The following DNAH17 variants were observed in gnomAD, a reference collection of about 807,000 sequenced individuals.
DNAH17 encodes the protein axonemal beta dynein heavy chain 17.
In DNAH17, 376 loss-of-function variants were observed where a neutral mutation model predicts 485.6. That is an observed-to-expected ratio of 0.77 (90% CI 0.71 to 0.84). The LOEUF (loss-of-function observed/expected upper bound fraction) is 0.84, where lower values mean the gene tolerates loss of function less well. Among genes scored for constraint, DNAH17 ranks in the 40% least tolerant of loss-of-function variants. The pLI is 0.00. For missense variants in DNAH17, 6,370 were observed against 5,839.3 expected (o/e 1.09, Z -2.96); for synonymous variants, 3,031 against 2,405.9 (o/e 1.26, Z -7.60).
chr17:78,575,120 C>G (rs545727322), intron 1 of DNAH17, 38 bp from the exon 2 acceptor site: 2 of 1,370,330 alleles, frequency 1.5e-6, no homozygotes, highest in African/African-American at 1.5e-5. Flanking sequence ...AACTGTCTCC[C>G]GGGCTCCCCA....
chr17:78,491,503 A>C lies in DNAH17; in HGVS notation c.6609T>G (p.Leu2203=), dbSNP rs374156232. The change falls in exon 43 of 81, where the codon CTT becomes CTG. Residue 2203 remains leucine (L), a synonymous_variant. Transcript: ENST00000389840. Reference sequence around the variant, plus strand: ...TCCACATGGGGTCTATGTCTCCGTCAAGGATGATCCACTTGGGGCCGTCAT... The same window carrying C: ...TCCACATGGGGTCTATGTCTCCGTCCAGGATGATCCACTTGGGGCCGTCAT... ...ITHDGPKWII[L]DGDIDPMWIE... is the part of the protein sequence containing the mutation. The C allele has an allele frequency of 8.0e-5, 129 of 1,613,828 alleles. No homozygotes were observed. Among genetic ancestry groups the C allele is most frequent in the South Asian group, 2.6e-4 (24 of 90,924 alleles).
rs1356755354 is a variant in DNAH17, at chr17:78,570,330, T to G, written c.961A>C (p.Ile321Leu). Reference sequence around the variant, plus strand: ...TTATAGTACTCAGAGGTGGCCCAGATGAAGCAGATGGTGTCCAGCACCTTG... The same window carrying G: ...TTATAGTACTCAGAGGTGGCCCAGAGGAAGCAGATGGTGTCCAGCACCTTG... ...IAKVLDTICF[I>L]WATSEYYNTP... Residue 321 changes from isoleucine to leucine, a missense_variant, in exon 7 of 81, where the codon ATC becomes CTC. By Grantham distance (5) the Ile-to-Leu change is conservative. Transcript: ENST00000389840. 1 of 1,609,276 alleles carries G rather than the reference T, an allele frequency of 6.2e-7. No individual in the cohort carries two copies.
intron 62 of DNAH17, among the ~76,000 whole-genome samples, chr17:78,456,157 G>A (rs899729286): frequency 1.2e-4 from 19 of 152,130 alleles, no homozygotes; most frequent in African/African-American, 4.1e-4. Context: ...AAATTAGCCA[G>A]GCGTGGTGGC....
chr17:78,514,281 C>T (rs564096144), intron 26 of DNAH17, among the ~76,000 whole-genome samples: 8 of 151,980 alleles, frequency 5.3e-5, no homozygotes, highest in South Asian at 2.1e-4. Flanking sequence ...CTGAGGCAGG[C>T]GGATCATGAG....
chr17:78,551,303 G>T (rs1430090246), intron 16 of DNAH17, among the ~76,000 whole-genome samples: 1 of 152,208 alleles, frequency 6.6e-6, no homozygotes, highest in Non-Finnish European at 1.5e-5. Context: ...GCACAGAGGG[G>T]GCCTTGTGGA....
At chr17:78,546,255 A>G (rs1464371811) in intron 16 of DNAH17, among the ~76,000 whole-genome samples, 1 of 152,220 alleles carries the variant, frequency 6.6e-6, no homozygotes, top group Non-Finnish European at 1.5e-5. Flanking sequence ...AAAGGTCAAA[A>G]ATGGTCAATT....
In DNAH17 at chr17:78,574,776, G is replaced by C; in HGVS notation, c.282C>G (p.Ala94=). 6.2e-7 allele frequency: 1 copy of C among 1,613,924 alleles called. No individual in the cohort carries two copies. Among genetic ancestry groups the C allele is most frequent in the South Asian group, 1.1e-5 (1 of 91,060 alleles). Residue 94 remains alanine, a synonymous_variant, in exon 2 of 81, where the codon GCC becomes GCG. Coordinates refer to ENST00000389840, the MANE Select transcript of DNAH17 (RefSeq NM_173628.4). Reference sequence around the variant, plus strand: ...GGCTGATGTCGCCGTAAAGGAGCCGGGCCCTGTAGTTGTCCTTGTTGATGT... The same window carrying C: ...GGCTGATGTCGCCGTAAAGGAGCCGCGCCCTGTAGTTGTCCTTGTTGATGT... ...SENINKDNYR[A]RLLYGDISPT...
intron 26 of DNAH17, among the ~76,000 whole-genome samples, chr17:78,512,233 A>G (rs2090654341): frequency 6.6e-6 from 1 of 152,220 alleles, no homozygotes; most frequent in South Asian, 2.1e-4. Context: ...GCTTTGGGCC[A>G]TGCTGCCCTT....
Position 78,533,813 on chromosome 17 carries a change from T to G in DNAH17, c.2860-1077A>C, listed in dbSNP as rs144892385. On this transcript the variant is annotated intron_variant, in intron 19 of 80. Coordinates refer to ENST00000389840, the MANE Select transcript of DNAH17 (RefSeq NM_173628.4). ...GATTCTCCTGCCTCAGCCTCCCAAA[T>G]AGCTGGGATTACAGGCTCCCACCAC... is the stretch of plus-strand genomic sequence containing the variant. Among the ~76,000 whole-genome samples the G allele has an allele frequency of 7.2e-5, 11 of 152,002 alleles. No individual in the cohort carries two copies. In the East Asian group the frequency reaches 2.1e-3, roughly 29 times the overall value.
At chr17:78,464,106 A>T (rs1032566471) in intron 56 of DNAH17, among the ~76,000 whole-genome samples, 6 of 152,336 alleles carry the variant, frequency 3.9e-5, no homozygotes, top group Middle Eastern at 3.4e-3. Flanking sequence ...ATAACTGGAT[A>T]TGTGTTCAAA....
In DNAH17 at chr17:78,519,107, A is replaced by G. The variant is rs1014921068; in HGVS notation, c.3865-4085T>C. On this transcript the variant is annotated intron_variant, in intron 25 of 80. Transcript: ENST00000389840. Reference sequence around the variant, plus strand: ...GGCGTGAACCCAGGAGGTGGAGCTTACAGTGAGCCAAGATAGCGCCACTGC... The same window carrying G: ...GGCGTGAACCCAGGAGGTGGAGCTTGCAGTGAGCCAAGATAGCGCCACTGC... Among the ~76,000 whole-genome samples, 13 of 143,998 alleles carry G rather than the reference A, an allele frequency of 9.0e-5. No homozygotes were observed. The East Asian group carries it at 1.3e-3, about 14-fold the overall frequency. 94.5% of individuals were successfully genotyped at this position (143,998 alleles called of 152,430 possible).
chr17:78,562,086 G>T, intron 11 of DNAH17, 106 bp from the exon 12 acceptor site: 1 of 1,344,392 alleles, frequency 7.4e-7, no homozygotes, highest in Non-Finnish European at 9.9e-7. Flanking sequence ...GTGAGAGAAT[G>T]TGTACCTTGC....
At chr17:78,513,424 T>A (rs2090689784) in intron 26 of DNAH17, among the ~76,000 whole-genome samples, 1 of 152,240 alleles carries the variant, frequency 6.6e-6, no homozygotes, top group Non-Finnish European at 1.5e-5. Flanking sequence ...AGAATCCCCT[T>A]CTCTTTCCTG....
At chr17:78,478,381 CACT>C (rs202242001) in intron 51 of DNAH17, among the ~76,000 whole-genome samples, 5,640 of 151,110 alleles carry the variant, frequency 0.037, 360 homozygotes, top group African/African-American at 0.13. Context: ...TCACTGCCAC[CACT>C]ATTATCATCA....
At position 78,440,827 on chromosome 17, in the gene DNAH17, A is replaced by G. The variant is rs59053046; in HGVS notation, c.11677+224T>C. Among the ~76,000 whole-genome samples the G allele has an allele frequency of 1.0e-3, 158 of 152,322 alleles. 3 individuals are homozygous for G. In the East Asian group the frequency reaches 0.029, roughly 28 times the overall value. ...AAACCACCAGACTGTTTTCCACAGC[A>G]GCGGCCCCATTTTACATCCGCTCAG... On this transcript the variant is annotated intron_variant, in intron 72 of 80. Coordinates refer to ENST00000389840, the MANE Select transcript of DNAH17 (RefSeq NM_173628.4).
In DNAH17 at chr17:78,426,581, G is replaced by A; in HGVS notation, c.12791C>T (p.Thr4264Ile). The change falls in exon 79 of 81, where the codon ACC (threonine) becomes ATC (isoleucine). Residue 4264 changes from threonine (T) to isoleucine (I), a missense_variant. By Grantham distance (89) the Thr-to-Ile change is moderately conservative (BLOSUM62 -1). Transcript: ENST00000389840. ...AGCCGTGGACAGATCTTCCACGTCG[G>A]TCGTGATGGTCAGTTCTCCCTAGGA... ...LGLKGELTITTDVEDLSTALF... is the reference protein window; with the variant it reads ...LGLKGELTITIDVEDLSTALF... 1.2e-6 allele frequency: 2 copies of A among 1,610,490 alleles called. No individual in the cohort carries two copies. The highest frequency in any genetic ancestry group is 1.7e-6 in the Non-Finnish European group (2 of 1,177,936).
chr17:78,480,012 A>ATT (rs1568122167), intron 49 of DNAH17, among the ~76,000 whole-genome samples: 4 of 63,486 alleles, frequency 6.3e-5, no homozygotes, highest in Non-Finnish European at 7.2e-5. Flanking sequence ...AACAACAAGT[A>ATT]CTTTTTTTTT....
intron 26 of DNAH17, among the ~76,000 whole-genome samples, chr17:78,512,217 G>A (rs2090654045): frequency 6.6e-6 from 1 of 152,236 alleles, no homozygotes; most frequent in Non-Finnish European, 1.5e-5. Flanking sequence ...CATTGCCGCT[G>A]TGCAGGCTTT....
chr17:78,567,562 A>G lies in DNAH17; in HGVS notation c.1285-396T>C, dbSNP rs145401369. 3.1e-3 allele frequency among the ~76,000 whole-genome samples: 475 copies of G among 152,244 alleles called. 3 individuals carry two copies. The South Asian group carries it at 0.04, about 13-fold the overall frequency. On this transcript the variant is annotated intron_variant, in intron 9 of 80. Transcript: ENST00000389840. The stretch of plus-strand genomic sequence containing the variant: ...CTGAAGATTTCTGATGCTCTTGCTA[A>G]GCTTTAAATTCCCCGCTACCTGGAA...
Sources: gnomAD v4.1 joint callset for allele counts (sites outside exome capture counted in the v4.1 genomes callset) on GRCh38, gnomAD v4.1.1 for gene constraint, MANE v1.5 for transcripts, NCBI Gene and HGNC (gene_info 2026-07-23, HGNC 2026-07-21) for gene names.